HNRNPM: variants seen among roughly 807,000 people sequenced by gnomAD.
HNRNPM encodes the protein CEA receptor.
Under a neutral mutation model 73.1 loss-of-function variants are expected in HNRNPM, and 11 were observed. The observed-to-expected ratio is 0.15, with a 90% CI of 0.09 to 0.25. The LOEUF (loss-of-function observed/expected upper bound fraction) is 0.25, where lower values mean the gene tolerates loss of function less well. HNRNPM is among the 10% of genes least tolerant of loss of function. HNRNPM has a pLI of 1.00. For missense variants in HNRNPM, 789 were observed against 1,067.9 expected (o/e 0.74, Z 3.64); for synonymous variants, 407 against 355.2 (o/e 1.15, Z -1.64).
At chr19:8,456,156 T>C (rs938292521) in intron 2 of HNRNPM, among the ~76,000 whole-genome samples, 2 of 152,068 alleles carry the variant, frequency 1.3e-5, no homozygotes, top group African/African-American at 4.8e-5. Context: ...CAAAATAAGG[T>C]ATCTGCTTTG....
intron 1 of HNRNPM, among the ~76,000 whole-genome samples, chr19:8,446,090 A>G (rs1427928496): frequency 6.6e-6 from 1 of 152,230 alleles, no homozygotes; most frequent in Non-Finnish European, 1.5e-5. Flanking sequence ...GCGGCCGGGA[A>G]GGAAGGGGAA....
chr19:8,462,598 AT>A lies in HNRNPM; in HGVS notation c.336+20del, dbSNP rs1568272102. ...AAGTCAAGGGTAAGTGTCTGAGAGA[AT>A]TTCTTCTGTGGATTTACTACATGAA... On this transcript the variant is annotated intron_variant, in intron 3 of 15. Transcript: ENST00000325495. This position sits in a 1 kb window ranked among gnomAD's most constrained non-coding sequence, Gnocchi z 4.5. 1 of 1,601,840 alleles carries A rather than the reference AT, an allele frequency of 6.2e-7. No homozygotes were observed. The highest frequency in any genetic ancestry group is 8.6e-7 in the Non-Finnish European group (1 of 1,168,762).
rs1046789995 is a variant in HNRNPM at position 8,467,496 on chromosome 19, T to G, written c.785-39T>G. On this transcript the variant is annotated intron_variant, in intron 7 of 15. Coordinates refer to ENST00000325495, the MANE Select transcript of HNRNPM (RefSeq NM_005968.5). ...CTTTTTGTATTTCTCTTGTGCACAT[T>G]TTTAGAATTGCAAGAAATAGCCTTA... 6 of 1,537,856 alleles carry G rather than the reference T, an allele frequency of 3.9e-6. No individual in the cohort carries two copies. The African/African-American group carries it at 5.5e-5, about 14-fold the overall frequency.
At chr19:8,467,677 G>T in intron 8 of HNRNPM, 93 bp downstream of exon 8, 1 of 956,582 alleles carries the variant, frequency 1.0e-6, no homozygotes, top group Non-Finnish European at 1.7e-6. Flanking sequence ...TGAAATATTT[G>T]TGGATTAGTC....
chr19:8,484,180 T>C (rs1434311875), intron 13 of HNRNPM, among the ~76,000 whole-genome samples: 2 of 144,866 alleles, frequency 1.4e-5, no homozygotes, highest in Non-Finnish European at 3.0e-5. Flanking sequence ...TTTCTTTTTT[T>C]TTTTTTTTTT....
intron 15 of HNRNPM, 117 bp downstream of exon 15, chr19:8,487,192 C>T (rs112792897): frequency 4.8e-6 from 4 of 833,744 alleles, no homozygotes. Flanking sequence ...CATGGCCTTG[C>T]CATGTTCTGC....
At chr19:8,446,249 A>C (rs1968177416) in intron 1 of HNRNPM, among the ~76,000 whole-genome samples, 1 of 152,184 alleles carries the variant, frequency 6.6e-6, no homozygotes, top group South Asian at 2.1e-4. Context: ...TCACTGCTTC[A>C]TGTCCAGAAC....
At chr19:8,458,809 A>G (rs1969198501) in intron 2 of HNRNPM, among the ~76,000 whole-genome samples, 1 of 152,208 alleles carries the variant, frequency 6.6e-6, no homozygotes, top group Non-Finnish European at 1.5e-5. Flanking sequence ...GAAAACCTCC[A>G]TCTTGGCTCC....
At chr19:8,450,644 C>G (rs12974933) in intron 1 of HNRNPM, among the ~76,000 whole-genome samples, 2 of 151,816 alleles carry the variant, frequency 1.3e-5, no homozygotes, top group Non-Finnish European at 2.9e-5. Flanking sequence ...TCAAGTGATC[C>G]GCCCACCTTG....
chr19:8,467,801 C>T (rs935782400), intron 8 of HNRNPM, among the ~76,000 whole-genome samples: 2 of 151,992 alleles, frequency 1.3e-5, no homozygotes, highest in African/African-American at 2.4e-5. Flanking sequence ...CTGAGGCAGG[C>T]GGATCATGAG....
At chr19:8,475,902 TCTC>T (rs1399830113) in intron 12 of HNRNPM, among the ~76,000 whole-genome samples, 1 of 105,104 alleles carries the variant, frequency 9.5e-6, no homozygotes, top group Non-Finnish European at 1.9e-5. Context: ...ACCCCATCTC[TCTC>T]TTTTTTTTTT....
At chr19:8,464,379 G>A (rs1969598203) in intron 5 of HNRNPM, among the ~76,000 whole-genome samples, 1 of 152,198 alleles carries the variant, frequency 6.6e-6, no homozygotes, top group African/African-American at 2.4e-5. Context: ...GCTCACGCCT[G>A]TAATCCCCAG....
intron 7 of HNRNPM, 115 bp downstream of exon 7, chr19:8,466,503 A>T: frequency 9.7e-7 from 1 of 1,026,500 alleles, no homozygotes. Flanking sequence ...TTATGTGACT[A>T]GGGGGAGTGC....
chr19:8,446,116 G>GGTAA, intron 1 of HNRNPM, among the ~76,000 whole-genome samples: 1 of 152,320 alleles, frequency 6.6e-6, no homozygotes, highest in Admixed American at 6.5e-5. Context: ...GGTACACATT[G>GGTAA]AATTTCCCAG....
At position 8,488,999 on chromosome 19, in the gene HNRNPM, CTG is replaced by C. The variant is rs763883376; in HGVS notation, c.*146_*147del. On this transcript the variant is annotated 3_prime_UTR_variant, in exon 16 of 16. Transcript: ENST00000325495. ...GTAATTTGAATTACTTTTTTAATGA[CTG>C]GGGTTCCATTTGACTGTTTGCATTG... The C allele has an allele frequency of 1.5e-5, 11 of 736,716 alleles. No individual in the cohort carries two copies. The highest frequency in any genetic ancestry group is 2.4e-5 in the Non-Finnish European group (11 of 464,596). The allele number at this position is 736,716 out of a possible 1,614,324, so 45.6% of individuals were successfully genotyped here.
rs562283661 is a variant in HNRNPM, at chr19:8,464,228, G to A, written c.438+542G>A. ...CCATTGCACTCCAGCCCGGGCAACA[G>A]TGAGACCCTGTCTAAAAAATAAAAA... is the stretch of plus-strand genomic sequence containing the variant. On this transcript the variant is annotated intron_variant, in intron 5 of 15. Transcript: ENST00000325495. 4.1e-5 allele frequency among the ~76,000 whole-genome samples: 5 copies of A among 121,354 alleles called. No homozygotes were observed. The East Asian group carries it at 1.0e-3, about 25-fold the overall frequency. The allele number at this position is 121,354 out of a possible 152,430, so 79.6% of individuals were successfully genotyped here. A position where few individuals can be genotyped will look rare whatever the true frequency, so the allele number is the denominator to read the frequency against.
chr19:8,455,701 G>GT, intron 2 of HNRNPM, 127 bp downstream of exon 2: 1 of 638,002 alleles, frequency 1.6e-6, no homozygotes, highest in South Asian at 2.4e-5. Flanking sequence ...AGGCTTAAGA[G>GT]TGAAGCCCCC....
chr19:8,466,780 T>A (rs372552470), intron 7 of HNRNPM, among the ~76,000 whole-genome samples: 9 of 128,462 alleles, frequency 7.0e-5, no homozygotes, highest in African/African-American at 2.5e-4. Context: ...GAGCCGAGAT[T>A]GCGCCACTGC....
At chr19:8,445,524 A>C in intron 1 of HNRNPM, 1 of 155,430 alleles carries the variant, frequency 6.4e-6, no homozygotes, top group Non-Finnish European at 1.4e-5. Flanking sequence ...TCTGATCCGT[A>C]ACGTGGGGGG....
Sources: allele counts gnomAD v4.1 joint callset (sites outside exome capture counted in the v4.1 genomes callset), GRCh38; gene constraint gnomAD v4.1.1; non-coding constraint Gnocchi (gnomAD v3.1); transcripts MANE v1.5; gene names NCBI Gene and HGNC (gene_info 2026-07-23, HGNC 2026-07-21).